The following FLCN variants were observed in gnomAD, a reference collection of about 807,000 sequenced individuals.
The protein encoded by FLCN is folliculin, also known as BHD skin lesion fibrofolliculoma protein.
FLCN carries 22 observed loss-of-function variants against 62.5 expected under a neutral mutation model. The ratio of observed to expected loss-of-function variants is 0.35; its 90% CI spans 0.25 to 0.50. FLCN has a LOEUF of 0.50. Ranked by LOEUF, FLCN falls within the 20% of genes least tolerant of loss-of-function variation. FLCN has a pLI of 0.97. For synonymous variants in FLCN, 319 were observed against 310.0 expected, an observed-to-expected ratio of 1.03 and a Z score of -0.30; for missense variants, 657 against 778.0, an observed-to-expected ratio of 0.84 and a Z score of 1.85.
rs1418308697 is a variant in FLCN at position 17,220,240 on chromosome 17, TC to T, written c.872-1032del. The T allele has an allele frequency of 5.3e-5, 8 of 151,958 alleles. No individual in the cohort carries two copies. The East Asian group carries it at 1.6e-3, about 30-fold the overall frequency. 9.4% of individuals were successfully genotyped at this position (151,958 alleles called of 1,614,324 possible). ...TCATATTTTTTGTAGAGACTGGACCTCCCTATGTTGCTCAGGCTGGTCTCAA... is the reference window on the plus strand; with the variant it reads ...TCATATTTTTTGTAGAGACTGGACCTCCTATGTTGCTCAGGCTGGTCTCAA... On this transcript the variant is annotated intron_variant, in intron 8 of 13. Coordinates refer to ENST00000285071, the MANE Select transcript of FLCN (RefSeq NM_144997.7).
chr17:17,221,697 C>T, intron 7 of FLCN, 69 bp from the exon 8 acceptor site: 1 of 1,521,006 alleles, frequency 6.6e-7, no homozygotes. Flanking sequence ...CTCACCCAGC[C>T]CCTGATCCTA....
rs1234560120 is a variant in FLCN at position 17,221,032 on chromosome 17, C to G, written c.871+505G>C. On this transcript the variant is annotated intron_variant, in intron 8 of 13. Coordinates refer to ENST00000285071, the MANE Select transcript of FLCN (RefSeq NM_144997.7). The stretch of plus-strand genomic sequence containing the variant: ...TGATGGAAAGCTTGGCCAAGACTGG[C>G]CCAGTGCTTCCAGGCTGGTGCACAC... 3 of 632,868 alleles carry G rather than the reference C, an allele frequency of 4.7e-6. No homozygotes were observed. The African/African-American group carries it at 5.5e-5, about 12-fold the overall frequency. 39.2% of individuals were successfully genotyped at this position (632,868 alleles called of 1,614,324 possible).
chr17:17,215,384 C>T, intron 11 of FLCN, 68 bp from the exon 12 acceptor site: 1 of 1,609,384 alleles, frequency 6.2e-7, no homozygotes, highest in Non-Finnish European at 8.5e-7. Context: ...CGCTAGCCCA[C>T]CGTGGGCCCC....
intron 5 of FLCN, 100 bp from the exon 6 acceptor site, chr17:17,224,243 G>A: frequency 9.0e-7 from 1 of 1,116,336 alleles, no homozygotes; most frequent in Admixed American, 2.0e-5. Context: ...GCACAAATCA[G>A]CCAGCGTTAA....
chr17:17,230,912 A>G (rs912987030), intron 3 of FLCN, among the ~76,000 whole-genome samples: 1 of 152,000 alleles, frequency 6.6e-6, no homozygotes, highest in Non-Finnish European at 1.5e-5. Context: ...AATTAAATAA[A>G]TAGGCTGAGT....
intron 8 of FLCN, 122 bp downstream of exon 8, chr17:17,221,415 C>T (rs772209185): frequency 1.9e-6 from 3 of 1,613,878 alleles, no homozygotes; most frequent in Non-Finnish European, 2.5e-6. Context: ...CCCGAAGGCT[C>T]GTTCTGGGCT....
At chr17:17,224,381 TC>T in intron 5 of FLCN, 1 of 565,474 alleles carries the variant, frequency 1.8e-6, no homozygotes, top group Non-Finnish European at 3.2e-6. Context: ...TTATTGCTTT[TC>T]TTCCACCTTG....
chr17:17,224,221 CAG>C (rs2047184966), intron 5 of FLCN, 78 bp from the exon 6 acceptor site: 8 of 1,346,408 alleles, frequency 5.9e-6, no homozygotes, highest in Non-Finnish European at 8.3e-6. Context: ...TCAGACTTTT[CAG>C]AGTCAGCTGG....
chr17:17,218,225 T>C (rs1176524800), intron 9 of FLCN, among the ~76,000 whole-genome samples: 1 of 152,150 alleles, frequency 6.6e-6, no homozygotes, highest in Non-Finnish European at 1.5e-5. Context: ...CTGTTAGATT[T>C]TGTCGTGTCT....
Position 17,215,775 on chromosome 17 carries a change from T to C in FLCN, c.1301-459A>G, listed in dbSNP as rs192765181. Among the ~76,000 whole-genome samples the C allele has an allele frequency of 1.8e-3, 268 of 152,188 alleles. 1 individual carries two copies. Among genetic ancestry groups the C allele is most frequent in the Admixed American group, 6.1e-3 (94 of 15,290 alleles). On this transcript the variant is annotated intron_variant, in intron 11 of 13. Coordinates refer to ENST00000285071, the MANE Select transcript of FLCN (RefSeq NM_144997.7). ...AGTCAGGACCCAGCCTGGGTGCTGA[T>C]TGGGGGCTCAGGGTAGCTCCACTCG...
chr17:17,215,662 T>G (rs904851694), intron 11 of FLCN, among the ~76,000 whole-genome samples: 1 of 152,236 alleles, frequency 6.6e-6, no homozygotes, highest in African/African-American at 2.4e-5. Context: ...TTAAATAACC[T>G]GCTCGTAGTG....
intron 4 of FLCN, 75 bp downstream of exon 4, chr17:17,227,814 C>T (rs2047298069): frequency 1.9e-6 from 3 of 1,607,606 alleles, no homozygotes; most frequent in African/African-American, 1.3e-5. Context: ...AGGCCCCGTC[C>T]ACTGCTCTCA....
intron 3 of FLCN, among the ~76,000 whole-genome samples, chr17:17,230,538 C>A (rs889363137): frequency 1.5e-4 from 23 of 150,886 alleles, no homozygotes; most frequent in Non-Finnish European, 2.2e-4. Flanking sequence ...TCAAAAAAAA[C>A]CAAAAACAAC....
At chr17:17,232,453 C>A (rs538197533) in intron 2 of FLCN, among the ~76,000 whole-genome samples, 1 of 152,092 alleles carries the variant, frequency 6.6e-6, no homozygotes, top group African/African-American at 2.4e-5. Context: ...AATCTAGGGG[C>A]GGCAGAGGTT....
chr17:17,213,568 T>G lies in FLCN; in HGVS notation c.*87A>C, dbSNP rs778606717. ...CTGGGACACAGCTCCTTCCAGCAGTTGAGAAACTCAAGGGACAGTCCCTCT... is the reference window on the plus strand; with the variant it reads ...CTGGGACACAGCTCCTTCCAGCAGTGGAGAAACTCAAGGGACAGTCCCTCT... On this transcript the variant is annotated 3_prime_UTR_variant, in exon 14 of 14. Transcript: ENST00000285071. The G allele has an allele frequency of 3.7e-5, 58 of 1,564,416 alleles. No homozygotes were observed. Among genetic ancestry groups the G allele is most frequent in the Non-Finnish European group, 5.1e-5 (58 of 1,137,224 alleles).
chr17:17,223,000 A>G (rs1018062786), intron 6 of FLCN: 5 of 396,262 alleles, frequency 1.3e-5, no homozygotes, highest in African/African-American at 2.1e-5. Context: ...CTACTTGGCT[A>G]AGGCACACGT....
chr17:17,219,321 A>G (rs1597592663), intron 8 of FLCN, 112 bp from the exon 9 acceptor site: 2 of 814,176 alleles, frequency 2.5e-6, no homozygotes, highest in East Asian at 1.1e-4. Flanking sequence ...GGCTGCGGCC[A>G]GGTCCTATGC....
chr17:17,215,120 G>A (rs1444753093), intron 12 of FLCN, 30 bp from the exon 13 acceptor site: 2 of 1,613,820 alleles, frequency 1.2e-6, no homozygotes, highest in Non-Finnish European at 8.5e-7. Context: ...CAGAGCAAGG[G>A]CAGGCGTTAG....
chr17:17,214,867 C>T, intron 13 of FLCN, 118 bp downstream of exon 13: 5 of 1,119,116 alleles, frequency 4.5e-6, no homozygotes, highest in Non-Finnish European at 6.7e-6. Context: ...GAACCCCGCC[C>T]CCAACCTCTT....
Sources: gnomAD v4.1 joint callset for allele counts (sites outside exome capture counted in the v4.1 genomes callset) on GRCh38, gnomAD v4.1.1 for gene constraint, MANE v1.5 for transcripts, NCBI Gene and HGNC (gene_info 2026-07-23, HGNC 2026-07-21) for gene names.